Variants in NCL observed in about 807,000 individuals in gnomAD.
NCL encodes nucleolin multifunctional protein.
A neutral mutation model predicts 77.7 loss-of-function variants in NCL; 4 were observed. That is an observed-to-expected ratio of 0.05 (90% confidence interval 0.03 to 0.12). The LOEUF is 0.12. Ranked by LOEUF, NCL falls within the 10% of genes least tolerant of loss-of-function variation. NCL has a pLI of 1.00. For synonymous variants in NCL, 344 were observed against 297.8 expected (o/e 1.16, Z -1.60); for missense variants, 763 against 860.9 (o/e 0.89, Z 1.42).
rs775383828 is a variant in NCL, at chr2:231,460,233, G to C, written c.959C>G (p.Ala320Gly). The C allele has an allele frequency of 6.2e-7, 1 of 1,613,970 alleles. No homozygotes were observed. Among genetic ancestry groups the C allele is most frequent in the African/African-American group, 1.3e-5 (1 of 74,924 alleles). Residue 320 changes from alanine to glycine, a missense_variant, in exon 6 of 14, where the codon GCT becomes GGT. Ala to Gly is a moderately conservative substitution (Grantham distance 60). Transcript: ENST00000322723. ...FVGNLNFNKS[A>G]PELKTGISDV... ...GCTGATACCAGTTTTTAATTCAGGA[G>C]CAGATTTGTTAAAGTTTAGGTTTCC...
intron 3 of NCL, among the ~76,000 whole-genome samples, chr2:231,461,252 T>C (rs1180931324): frequency 6.6e-6 from 1 of 150,506 alleles, no homozygotes; most frequent in Non-Finnish European, 1.5e-5. Context: ...CACTCCAGCC[T>C]GGGAAACAGC....
Position 231,463,125 on chromosome 2 carries a change from A to C in NCL, c.135+75T>G, listed in dbSNP as rs1040651105. 2.2e-5 allele frequency: 25 copies of C among 1,111,216 alleles called. No individual in the cohort carries two copies. The East Asian group carries it at 5.5e-4, about 24-fold the overall frequency. 68.8% of individuals were successfully genotyped at this position (1,111,216 alleles called of 1,614,324 possible). Reference sequence around the variant, plus strand: ...CTGAATAAAATCTTATTTTTGCCACAGATATCCAATTTCATGTCTTAACTC... The same window carrying C: ...CTGAATAAAATCTTATTTTTGCCACCGATATCCAATTTCATGTCTTAACTC... On this transcript the variant is annotated intron_variant, in intron 2 of 13. Coordinates refer to ENST00000322723, the MANE Select transcript of NCL (RefSeq NM_005381.3).
rs1353406438 is a variant in NCL at position 231,461,703 on chromosome 2, A to C, written c.450T>G (p.Asp150Glu). Reference sequence around the variant, plus strand: ...CCTCCTCATCCTCCTCACTGTCATCATCCTCCTCTTCATCACTGTCTTCCT... The same window carrying C: ...CCTCCTCATCCTCCTCACTGTCATCCTCCTCCTCTTCATCACTGTCTTCCT... ...AKKEDSDEEEDDDSEEDEEDD... is the reference protein window; with the variant it reads ...AKKEDSDEEEEDDSEEDEEDD... The change falls in exon 3 of 14, where the codon GAT becomes GAG. Residue 150 changes from aspartate to glutamate, a missense_variant. Coordinates refer to ENST00000322723, the MANE Select transcript of NCL (RefSeq NM_005381.3). 1 of 1,613,898 alleles carries C rather than the reference A, an allele frequency of 6.2e-7. No homozygotes were observed. The highest frequency in any genetic ancestry group is 1.7e-5 in the Admixed American group (1 of 60,000).
chr2:231,456,820 G>A (rs2046893532), intron 10 of NCL, 56 bp from the exon 11 acceptor site: 3 of 1,603,230 alleles, frequency 1.9e-6, no homozygotes, highest in Admixed American at 1.7e-5. Context: ...CTCCTTCACT[G>A]TCACATGATG....
At position 231,458,995 on chromosome 2, in the gene NCL, A is replaced by G. The variant is rs375275919; in HGVS notation, c.1165+6T>C. On this transcript the variant is annotated splice_donor_region_variant and intron_variant, in intron 7 of 13. Coordinates refer to ENST00000322723, the MANE Select transcript of NCL (RefSeq NM_005381.3). ...TCATTGCATAATCTCATAAAGCCTT[A>G]CATACCTTTCTTACTGTCTTTTCCT... 83 of 1,580,872 alleles carry G rather than the reference A, an allele frequency of 5.3e-5. No homozygotes were observed. The highest frequency in any genetic ancestry group is 7.0e-5 in the Non-Finnish European group (82 of 1,167,480).
rs763237568 is a variant in NCL at position 231,458,396 on chromosome 2, T to TA, written c.1166-8dup. The TA allele has an allele frequency of 5.0e-6, 8 of 1,608,516 alleles. No individual in the cohort carries two copies. Among genetic ancestry groups the TA allele is most frequent in the South Asian group, 2.2e-5 (2 of 89,814 alleles). ...AGTGTTCTCGCATCTCGCTCTAGAT[T>TA]AAAAAAACAAAAATGAGCTCTGTGG... On this transcript the variant is annotated splice_polypyrimidine_tract_variant and splice_region_variant and intron_variant, in intron 7 of 13. Transcript: ENST00000322723.
At chr2:231,461,286 TAAAAA>T (rs34075637) in intron 3 of NCL, among the ~76,000 whole-genome samples, 1 of 144,584 alleles carries the variant, frequency 6.9e-6, no homozygotes, top group African/African-American at 2.5e-5. Flanking sequence ...CAAAAAAATT[TAAAAA>T]AAAAAAAAAT....
chr2:231,455,852 A>T, intron 12 of NCL, 158 bp downstream of exon 12: 1 of 1,303,286 alleles, frequency 7.7e-7, no homozygotes, highest in Non-Finnish European at 1.1e-6. Context: ...AAGGTAAAAT[A>T]ATGCTAGTTC....
rs547446401 is a variant in NCL at position 231,453,882 on chromosome 2, G to C, written c.*1309C>G. ...CAGTTTGATTTCACTAGTTGGACTA[G>C]AACAGGTTTTTGGACTTGGCTACCT... On this transcript the variant is annotated 3_prime_UTR_variant, in exon 14 of 14. Transcript: ENST00000322723. The C allele has an allele frequency of 6.6e-6, 1 of 152,244 alleles. No homozygotes were observed. Among genetic ancestry groups the C allele is most frequent in the Non-Finnish European group, 1.5e-5 (1 of 68,050 alleles). 9.4% of individuals were successfully genotyped at this position (152,244 alleles called of 1,614,324 possible).
chr2:231,463,496 C>A (rs528102056), intron 1 of NCL, 180 bp from the exon 2 acceptor site: 1 of 606,274 alleles, frequency 1.6e-6, no homozygotes, highest in Non-Finnish European at 2.9e-6. Context: ...TACTCTCAAC[C>A]GCCCACATTT....
At position 231,460,721 on chromosome 2, in the gene NCL, ATCATCTTCG is replaced by A. The variant is rs2046940740; in HGVS notation, c.750_758del (p.Glu254_Asp256del). ...CATCATCTTCATCATCATCATCTTC[ATCATCTTCG>A]TCGTCGTCGTCATCCTCGTCCTCAT... On this transcript the variant is annotated inframe_deletion, in exon 4 of 14. Transcript: ENST00000322723. 6.2e-7 allele frequency: 1 copy of A among 1,611,402 alleles called. No individual in the cohort carries two copies. The highest frequency in any genetic ancestry group is 1.1e-5 in the South Asian group (1 of 90,994).
chr2:231,456,645 G>A lies in NCL; in HGVS notation c.1691C>T (p.Pro564Leu). 7 of 1,614,046 alleles carry A rather than the reference G, an allele frequency of 4.3e-6. No individual in the cohort carries two copies. The highest frequency in any genetic ancestry group is 1.1e-5 in the South Asian group (1 of 91,062). The change falls in exon 11 of 14, where the codon CCT (proline) becomes CTT (leucine). Residue 564 changes from proline to leucine, a missense_variant. Transcript: ENST00000322723. ...GGTGAACTTACGGCTTCTGGCATTAGGTGATCCCCTGGGTCCTTGCAACTC... is the reference window on the plus strand; with the variant it reads ...GGTGAACTTACGGCTTCTGGCATTAAGTGATCCCCTGGGTCCTTGCAACTC... ...RLELQGPRGS[P>L]NARSQPSKTL...
In NCL at chr2:231,454,941, C is replaced by T. The variant is rs1036050434; in HGVS notation, c.*250G>A. ...AAATGGTTTTGTACATGGGATGAAACAATATAAATTCAAAACTTACAGATA... is the reference window on the plus strand; with the variant it reads ...AAATGGTTTTGTACATGGGATGAAATAATATAAATTCAAAACTTACAGATA... On this transcript the variant is annotated 3_prime_UTR_variant, in exon 14 of 14. Transcript: ENST00000322723. 2 of 369,416 alleles carry T rather than the reference C, an allele frequency of 5.4e-6. No homozygotes were observed. The highest frequency in any genetic ancestry group is 8.0e-5 in the South Asian group (1 of 12,574). The allele number at this position is 369,416 out of a possible 1,614,324, so 22.9% of individuals were successfully genotyped here.
At position 231,457,497 on chromosome 2, in the gene NCL, A is replaced by G. The variant is rs74429114; in HGVS notation, c.1447+146T>C. 8.3e-4 allele frequency: 714 copies of G among 856,178 alleles called. 11 individuals carry two copies. In the African/African-American group the frequency reaches 0.011, roughly 13 times the overall value. 53.0% of individuals were successfully genotyped at this position (856,178 alleles called of 1,614,324 possible). A position where few individuals can be genotyped will look rare whatever the true frequency, so the allele number is the denominator to read the frequency against. On this transcript the variant is annotated intron_variant, in intron 9 of 13. Transcript: ENST00000322723. ...ATTGGAAATTACTATTCCAAATAAGAGTATGACTTGGGGTATCATGTCCTT... is the reference window on the plus strand; with the variant it reads ...ATTGGAAATTACTATTCCAAATAAGGGTATGACTTGGGGTATCATGTCCTT...
At position 231,455,503 on chromosome 2, in the gene NCL, C is replaced by T. The variant is rs1204850290; in HGVS notation, c.1954G>A (p.Gly652Ser). 1 of 1,614,226 alleles carries T rather than the reference C, an allele frequency of 6.2e-7. No homozygotes were observed. Among genetic ancestry groups the T allele is most frequent in the South Asian group, 1.1e-5 (1 of 91,092 alleles). Residue 652 changes from glycine to serine, a missense_variant, in exon 13 of 14, where the codon GGC (glycine) becomes AGC (serine). Physicochemically the swap from Gly to Ser is moderately conservative, Grantham distance 56. Coordinates refer to ENST00000322723, the MANE Select transcript of NCL (RefSeq NM_005381.3). Reference protein sequence around the residue: ...LDWAKPKGEGGFGGRGGGRGG... With the variant: ...LDWAKPKGEGSFGGRGGGRGG... Reference sequence around the variant, plus strand: ...CTGCCTCCACCACGACCCCCGAAGCCACCTTCACCCTTAGGTTTGGCCCAG... The same window carrying T: ...CTGCCTCCACCACGACCCCCGAAGCTACCTTCACCCTTAGGTTTGGCCCAG...
chr2:231,457,009 T>C lies in NCL; in HGVS notation c.1563A>G (p.Lys521=). Residue 521 remains lysine, a synonymous_variant, in exon 10 of 14, where the codon AAA becomes AAG. Transcript: ENST00000322723. The stretch of plus-strand genomic sequence containing the variant: ...CAAAGGTATTATCTTACCCTTTAGA[T>C]TTGCCATTTTGGTTCTGGGGTACTT... ...FIKVPQNQNG[K]SKGYAFIEFA... The C allele has an allele frequency of 6.2e-7, 1 of 1,614,086 alleles. No individual in the cohort carries two copies. The highest frequency in any genetic ancestry group is 8.5e-7 in the Non-Finnish European group (1 of 1,179,968).
intron 3 of NCL, 32 bp downstream of exon 3, chr2:231,461,507 AG>A: frequency 1.9e-6 from 3 of 1,600,614 alleles, no homozygotes; most frequent in Non-Finnish European, 2.6e-6. Context: ...CCTTGTAATC[AG>A]AAGCCCAGTA....
In NCL at chr2:231,460,141, G is replaced by A; in HGVS notation, c.1040+11C>T. On this transcript the variant is annotated intron_variant, in intron 6 of 13. Transcript: ENST00000322723. ...GACCCACGTGTATGTAACGTGCAGT[G>A]AAGCACTTACCTAGTCATACCAATT... 1.9e-6 allele frequency: 3 copies of A among 1,609,312 alleles called. No individual in the cohort carries two copies. The highest frequency in any genetic ancestry group is 3.4e-5 in the Admixed American group (2 of 59,278).
chr2:231,462,493 T>C (rs1315369288), intron 2 of NCL: 1 of 485,612 alleles, frequency 2.1e-6, no homozygotes, highest in Non-Finnish European at 4.2e-6. Flanking sequence ...AAAAAATGAA[T>C]AGGCTAAATA....
Sources: allele counts gnomAD v4.1 joint callset (sites outside exome capture counted in the v4.1 genomes callset), GRCh38; gene constraint gnomAD v4.1.1; transcripts MANE v1.5; gene names NCBI Gene and HGNC (gene_info 2026-07-23, HGNC 2026-07-21).